ACACA: variants seen among roughly 807,000 people sequenced by gnomAD.
ACACA encodes the protein acetyl-CoA carboxylase alpha, also known as acetyl-CoA carboxylase 1.
In ACACA, 103 loss-of-function variants were observed where a neutral mutation model predicts 296.1. That is an observed-to-expected ratio of 0.35 (90% CI 0.30 to 0.41). ACACA has a LOEUF of 0.41. ACACA is among the 10% of genes least tolerant of loss of function. The pLI is 1.00. For missense variants in ACACA, 1,554 were observed against 2,989.7 expected (o/e 0.52, Z 11.20); for synonymous variants, 953 against 1,038.6 (o/e 0.92, Z 1.58).
intron 17 of ACACA, 102 bp downstream of exon 17, chr17:37,248,491 T>C: frequency 2.3e-6 from 2 of 883,470 alleles, no homozygotes; most frequent in Non-Finnish European, 1.9e-6. Context: ...ATTTCACTAA[T>C]ACCCCCATCC....
intron 11 of ACACA, among the ~76,000 whole-genome samples, chr17:37,260,249 C>CATATACAT (rs2081389108): frequency 3.3e-5 from 1 of 30,500 alleles, no homozygotes; most frequent in Non-Finnish European, 5.4e-5. Context: ...ACTCCCAAGT[C>CATATACAT]ATATATATAT....
chr17:37,393,009 G>C (rs892214049), intron 1 of ACACA, among the ~76,000 whole-genome samples: 1 of 151,896 alleles, frequency 6.6e-6, no homozygotes, highest in Admixed American at 6.6e-5. Context: ...GGGCATGGTG[G>C]AGGGCACCTA....
chr17:37,283,315 T>C lies in ACACA; in HGVS notation c.562A>G (p.Ile188Val). Residue 188 changes from isoleucine (I) to valine (V), a missense_variant, in exon 5 of 56, where the codon ATT (isoleucine) becomes GTT (valine). Transcript: ENST00000616317. ...SYEMFRNERA[I>V]RFVVMVTPED... Reference sequence around the variant, plus strand: ...GGTGTGACCATGACAACGAATCTAATTGCACGTTCATTTCGAAACATTTCA... The same window carrying C: ...GGTGTGACCATGACAACGAATCTAACTGCACGTTCATTTCGAAACATTTCA... 2 of 1,614,144 alleles carry C rather than the reference T, an allele frequency of 1.2e-6. No homozygotes were observed. The highest frequency in any genetic ancestry group is 1.7e-6 in the Non-Finnish European group (2 of 1,180,000).
intron 1 of ACACA, among the ~76,000 whole-genome samples, chr17:37,378,746 A>C (rs551788057): frequency 6.6e-6 from 1 of 150,780 alleles, no homozygotes. Flanking sequence ...GTGCCATTGC[A>C]CTCTAGCCTG....
At position 37,352,641 on chromosome 17, in the gene ACACA, C is replaced by A. The variant is rs1166727927; in HGVS notation, c.39-12791G>T. On this transcript the variant is annotated intron_variant, in intron 1 of 55. Transcript: ENST00000616317. ...GGCTGAGGTGAGTGGATCACTTGAGCCTGACAGGTTGAGGCTGCAGTGAGG... is the reference window on the plus strand; with the variant it reads ...GGCTGAGGTGAGTGGATCACTTGAGACTGACAGGTTGAGGCTGCAGTGAGG... 5.4e-5 allele frequency among the ~76,000 whole-genome samples: 8 copies of A among 149,048 alleles called. No individual in the cohort carries two copies. The Admixed American group carries it at 5.4e-4, about 10-fold the overall frequency.
chr17:37,244,851 G>T, intron 20 of ACACA, 117 bp from the exon 21 acceptor site: 1 of 1,458,324 alleles, frequency 6.9e-7, no homozygotes, highest in Non-Finnish European at 9.6e-7. Flanking sequence ...CTACCAGGAG[G>T]GAAGTCAATA....
chr17:37,375,949 C>T (rs2049983831), intron 1 of ACACA: 2 of 608,342 alleles, frequency 3.3e-6, no homozygotes, highest in Non-Finnish European at 5.8e-6. Context: ...GGAAATGGGG[C>T]AAAATAATCA....
intron 1 of ACACA, among the ~76,000 whole-genome samples, chr17:37,375,050 C>T (rs1423603674): frequency 2.0e-5 from 3 of 151,816 alleles, no homozygotes; most frequent in East Asian, 1.9e-4. Context: ...TAAAAATTAG[C>T]CGGCAGGGTG....
chr17:37,091,299 T>C (rs1159559326), intron 54 of ACACA, among the ~76,000 whole-genome samples: 1 of 152,172 alleles, frequency 6.6e-6, no homozygotes, highest in East Asian at 1.9e-4. Flanking sequence ...AGTTTTACAG[T>C]TGCTTGAAAA....
intron 52 of ACACA, 68 bp downstream of exon 52, chr17:37,111,463 C>T: frequency 8.7e-7 from 1 of 1,145,318 alleles, no homozygotes; most frequent in Non-Finnish European, 1.3e-6. Context: ...CTCCCCTGGC[C>T]TATGAATGCA....
At chr17:37,126,747 T>C (rs1464702988) in intron 47 of ACACA, among the ~76,000 whole-genome samples, 1 of 152,244 alleles carries the variant, frequency 6.6e-6, no homozygotes, top group East Asian at 1.9e-4. Flanking sequence ...AAACTTGTAA[T>C]TACTGTGTTC....
At chr17:37,301,044 C>T (rs2083593004) in intron 3 of ACACA, among the ~76,000 whole-genome samples, 1 of 152,186 alleles carries the variant, frequency 6.6e-6, no homozygotes, top group Admixed American at 6.5e-5. Flanking sequence ...TATACAAGTT[C>T]ACCATTCAAA....
chr17:37,399,999 T>A (rs1401130545), intron 1 of ACACA, among the ~76,000 whole-genome samples: 3 of 152,184 alleles, frequency 2.0e-5, no homozygotes, highest in Admixed American at 6.6e-5. Flanking sequence ...ATCAAGCTAA[T>A]TAACAAATCC....
Position 37,330,414 on chromosome 17 carries a change from G to GAGCT in ACACA, c.93_96dup (p.His33SerfsTer9). On this transcript the variant is annotated frameshift_variant, in exon 3 of 56. Coordinates refer to ENST00000616317, the MANE Select transcript of ACACA (RefSeq NM_198834.3). LOFTEE classifies it high-confidence loss of function. The stretch of plus-strand genomic sequence containing the variant: ...GGTTCATCCATTATTCCTCCAAAAT[G>GAGCT]AGCTCTTACAGCTATGGAGAAAATG... The GAGCT allele has an allele frequency of 6.2e-7, 1 of 1,614,186 alleles. No homozygotes were observed. Among genetic ancestry groups the GAGCT allele is most frequent in the Non-Finnish European group, 8.5e-7 (1 of 1,180,042 alleles).
chr17:37,339,037 A>C (rs1047651368), intron 2 of ACACA, among the ~76,000 whole-genome samples: 9 of 151,498 alleles, frequency 5.9e-5, no homozygotes, highest in African/African-American at 2.2e-4. Context: ...GGAAAGTTCC[A>C]ACAGACTGAC....
intron 3 of ACACA, among the ~76,000 whole-genome samples, chr17:37,305,951 C>T (rs1196594491): frequency 7.1e-6 from 1 of 140,624 alleles, no homozygotes; most frequent in South Asian, 2.4e-4. Flanking sequence ...TTCTGTCGCC[C>T]GGGCTGGAGT....
At position 37,151,264 on chromosome 17, in the gene ACACA, C is replaced by T. The variant is rs199705329; in HGVS notation, c.5568+37G>A. Reference sequence around the variant, plus strand: ...AAAAAAATAAACCTAGCCACACAGCCAGTTCTTCAAAAATTTCACATTCTG... The same window carrying T: ...AAAAAAATAAACCTAGCCACACAGCTAGTTCTTCAAAAATTTCACATTCTG... On this transcript the variant is annotated intron_variant, in intron 44 of 55. Transcript: ENST00000616317. 3.7e-6 allele frequency: 6 copies of T among 1,613,122 alleles called. No homozygotes were observed. The African/African-American group carries it at 4.0e-5, about 11-fold the overall frequency.
intron 45 of ACACA, among the ~76,000 whole-genome samples, chr17:37,148,240 A>C (rs553082111): frequency 9.2e-5 from 14 of 152,084 alleles, no homozygotes; most frequent in African/African-American, 3.1e-4. Context: ...TAAAAAAAAA[A>C]AAAACAACAA....
intron 16 of ACACA, among the ~76,000 whole-genome samples, chr17:37,250,496 G>A (rs1221400440): frequency 2.6e-5 from 4 of 151,706 alleles, no homozygotes; most frequent in African/African-American, 7.3e-5. Context: ...AAATGAGCTG[G>A]GCGTGGTGGT....
Sources: gnomAD v4.1 joint callset for allele counts (sites outside exome capture counted in the v4.1 genomes callset) on GRCh38, gnomAD v4.1.1 for gene constraint, MANE v1.5 for transcripts, NCBI Gene and HGNC (gene_info 2026-07-23, HGNC 2026-07-21) for gene names.